TSPAN8: variants seen among roughly 807,000 people sequenced by gnomAD.
TSPAN8 encodes tetraspanin 8, also known as tetraspanin-8.
Under a neutral mutation model 32.8 loss-of-function variants are expected in TSPAN8, and 21 were observed. That is an observed-to-expected ratio of 0.64 (90% CI 0.45 to 0.92). TSPAN8 has a LOEUF of 0.92. Among genes scored for constraint, TSPAN8 ranks in the 40% least tolerant of loss-of-function variants. The pLI, the probability that TSPAN8 is intolerant of heterozygous loss-of-function variation, is 0.00. For missense variants in TSPAN8, 269 were observed against 281.9 expected (o/e 0.95, Z 0.33); for synonymous variants, 95 against 94.6 (o/e 1.00, Z -0.03).
At chr12:71,147,990 C>T (rs1410326560) in intron 2 of TSPAN8, among the ~76,000 whole-genome samples, 3 of 152,062 alleles carry the variant, frequency 2.0e-5, no homozygotes. Context: ...CCATATAATC[C>T]AATAAATGCT....
intron 2 of TSPAN8, among the ~76,000 whole-genome samples, chr12:71,151,510 A>T (rs1224800150): frequency 6.6e-6 from 1 of 152,242 alleles, no homozygotes; most frequent in African/African-American, 2.4e-5. Flanking sequence ...CATTCAAAAC[A>T]TGTAGAGAGA....
At chr12:71,152,238 G>T (rs1422553413) in intron 2 of TSPAN8, among the ~76,000 whole-genome samples, 3 of 152,164 alleles carry the variant, frequency 2.0e-5, no homozygotes, top group Non-Finnish European at 4.4e-5. Context: ...ATTCAGGATT[G>T]AAATCTCAGT....
rs766203713 is a variant in TSPAN8, at chr12:71,138,032, T to C, written c.365A>G (p.Tyr122Cys). The change falls in exon 6 of 9, where the codon TAT becomes TGT. Residue 122 changes from tyrosine to cysteine, a missense_variant. Tyr to Cys is a radical substitution (Grantham distance 194, BLOSUM62 -2). Coordinates refer to ENST00000247829, the MANE Select transcript of TSPAN8 (RefSeq NM_004616.3). ...KSDRIVNETL[Y>C]ENTKLLSATG... The stretch of plus-strand genomic sequence containing the variant: ...GGCGCTCAAAAGCTTTGTGTTTTCA[T>C]AGAGAGTTTCATTCACAATGCGATC... 6.8e-6 allele frequency: 11 copies of C among 1,613,962 alleles called. No individual in the cohort carries two copies. The highest frequency in any genetic ancestry group is 9.3e-6 in the Non-Finnish European group (11 of 1,180,000).
rs906081436 is a variant in TSPAN8 at position 71,157,655 on chromosome 12, T to C, written c.24A>G (p.Ile8Met). The change falls in exon 2 of 9, where the codon ATA becomes ATG. Residue 8 changes from isoleucine (I) to methionine (M), a missense_variant. Ile to Met is a conservative substitution (Grantham distance 10, BLOSUM62 1). Coordinates refer to ENST00000247829, the MANE Select transcript of TSPAN8 (RefSeq NM_004616.3). ...AGTTGAAGGTAAACATAGAATATTT[T>C]ATACAGGCACTCACACCTGCCATTT... MAGVSAC[I>M]KYSMFTFNFL... The C allele has an allele frequency of 1.4e-5, 23 of 1,613,662 alleles. No homozygotes were observed. The highest frequency in any genetic ancestry group is 1.8e-5 in the Non-Finnish European group (21 of 1,179,732).
intron 8 of TSPAN8, among the ~76,000 whole-genome samples, chr12:71,127,576 A>G (rs557178440): frequency 1.3e-5 from 2 of 152,358 alleles, no homozygotes; most frequent in South Asian, 4.1e-4. Flanking sequence ...ATTACTGTAT[A>G]GAATGTTTGT....
At position 71,137,612 on chromosome 12, in the gene TSPAN8, AG is replaced by A. The variant is rs578010564; in HGVS notation, c.444+340del. Reference sequence around the variant, plus strand: ...AAGACTCTGTCCCCCCCCAAAAAAAAGGGGGAGAGAGAGAGAAAGAGAGGAG... The same window carrying A: ...AAGACTCTGTCCCCCCCCAAAAAAAAGGGGAGAGAGAGAGAAAGAGAGGAG... On this transcript the variant is annotated intron_variant, in intron 6 of 8. Coordinates refer to ENST00000247829, the MANE Select transcript of TSPAN8 (RefSeq NM_004616.3). Among the ~76,000 whole-genome samples the A allele has an allele frequency of 6.5e-5, 9 of 138,082 alleles. No homozygotes were observed. The East Asian group carries it at 1.7e-3, about 26-fold the overall frequency. 90.6% of individuals were successfully genotyped at this position (138,082 alleles called of 152,430 possible).
intron 2 of TSPAN8, among the ~76,000 whole-genome samples, chr12:71,156,250 C>CAAAAGA (rs1872425844): frequency 4.1e-5 from 1 of 24,376 alleles, no homozygotes; most frequent in African/African-American, 2.3e-4. Flanking sequence ...CAAAGTTCTC[C>CAAAAGA]AAAAAAAAAA....
intron 2 of TSPAN8, among the ~76,000 whole-genome samples, chr12:71,154,350 T>TC (rs1565790653): frequency 2.1e-5 from 3 of 144,806 alleles, no homozygotes; most frequent in African/African-American, 7.7e-5. Context: ...ATAATAATAA[T>TC]AATAATCAGA....
At chr12:71,151,821 T>C (rs1872264569) in intron 2 of TSPAN8, among the ~76,000 whole-genome samples, 1 of 152,226 alleles carries the variant, frequency 6.6e-6, no homozygotes, top group South Asian at 2.1e-4. Flanking sequence ...TTTAGAATTC[T>C]CAGGGCATTT....
chr12:71,128,724 T>C (rs1299060717), intron 8 of TSPAN8, among the ~76,000 whole-genome samples: 2 of 150,888 alleles, frequency 1.3e-5, no homozygotes, highest in African/African-American at 4.9e-5. Flanking sequence ...CCAACATCAA[T>C]AATTAAAGTG....
At chr12:71,149,897 A>G (rs1872193379) in intron 2 of TSPAN8, among the ~76,000 whole-genome samples, 1 of 152,240 alleles carries the variant, frequency 6.6e-6, no homozygotes, top group Non-Finnish European at 1.5e-5. Flanking sequence ...GGGGTCGAGC[A>G]AAAAGAGCCA....
rs1393698275 is a variant in TSPAN8, at chr12:71,138,174, T to C, written c.318A>G (p.Gly106=). Residue 106 remains glycine, a synonymous_variant, in exon 5 of 9, where the codon GGA becomes GGG. Transcript: ENST00000247829. ...LLLQVATGIL[G]AVFKSKSDRI... ...CACACACCTTAGATTTGAAAACAGC[T>C]CCTAGGATACCTGTCGCCACCTGCA... 1.2e-6 allele frequency: 2 copies of C among 1,613,684 alleles called. No individual in the cohort carries two copies. Among genetic ancestry groups the C allele is most frequent in the Admixed American group, 1.7e-5 (1 of 59,956 alleles).
intron 4 of TSPAN8, among the ~76,000 whole-genome samples, chr12:71,138,645 A>G (rs992339273): frequency 2.6e-5 from 4 of 152,184 alleles, no homozygotes; most frequent in African/African-American, 9.6e-5. Flanking sequence ...TGTTACATAT[A>G]TAGATTCCTG....
At position 71,154,732 on chromosome 12, in the gene TSPAN8, T is replaced by C. The variant is rs185848668; in HGVS notation, c.60+2887A>G. ...TTGGTTTGTTTAAATGTGCCATATA[T>C]ATTCTGTATTACATAAGGAAAACAA... On this transcript the variant is annotated intron_variant, in intron 2 of 8. Coordinates refer to ENST00000247829, the MANE Select transcript of TSPAN8 (RefSeq NM_004616.3). Among the ~76,000 whole-genome samples the C allele has an allele frequency of 3.0e-3, 464 of 152,362 alleles. 1 individual carries two copies. Among genetic ancestry groups the C allele is most frequent in the African/African-American group, 0.01 (426 of 41,584 alleles).
chr12:71,137,382 T>C (rs1019433395), intron 6 of TSPAN8, among the ~76,000 whole-genome samples: 15 of 152,154 alleles, frequency 9.9e-5, no homozygotes, highest in African/African-American at 3.6e-4. Flanking sequence ...GTGGATCACC[T>C]GAGGTCAGGA....
At chr12:71,146,302 T>G (rs1013816000) in intron 2 of TSPAN8, among the ~76,000 whole-genome samples, 2 of 152,182 alleles carry the variant, frequency 1.3e-5, no homozygotes, top group Admixed American at 1.3e-4. Context: ...TATATCATTC[T>G]CATTTGAGTG....
rs749548093 is a variant in TSPAN8 at position 71,144,232 on chromosome 12, A to G, written c.61-19T>C. ...CACATAGCTGCAGAAAAAAACAAAC[A>G]AACAAAAAGAATACAATTAGGATCA... On this transcript the variant is annotated intron_variant, in intron 2 of 8. Transcript: ENST00000247829. The G allele has an allele frequency of 1.2e-5, 20 of 1,605,460 alleles. No homozygotes were observed. Among genetic ancestry groups the G allele is most frequent in the East Asian group, 2.2e-5 (1 of 44,806 alleles).
At chr12:71,136,815 TC>T (rs1871711915) in intron 6 of TSPAN8, among the ~76,000 whole-genome samples, 1 of 152,164 alleles carries the variant, frequency 6.6e-6, no homozygotes, top group African/African-American at 2.4e-5. Context: ...AAACCCAATA[TC>T]CTTATCTGTA....
intron 2 of TSPAN8, among the ~76,000 whole-genome samples, chr12:71,154,148 A>C (rs1396841063): frequency 3.3e-5 from 5 of 151,950 alleles, no homozygotes; most frequent in Admixed American, 3.3e-4. Flanking sequence ...GTCTCCACTA[A>C]AAATACAAAA....
Sources: gnomAD v4.1 joint callset for allele counts (sites outside exome capture counted in the v4.1 genomes callset) on GRCh38, gnomAD v4.1.1 for gene constraint, MANE v1.5 for transcripts, NCBI Gene and HGNC (gene_info 2026-07-23, HGNC 2026-07-21) for gene names.